The following SCFD1 variants were observed in gnomAD, a reference collection of about 807,000 sequenced individuals.
SCFD1 encodes the protein sec1 family domain containing 1.
Under a neutral mutation model 103.2 loss-of-function variants are expected in SCFD1, and 37 were observed. The ratio of observed to expected loss-of-function variants is 0.36; its 90% CI spans 0.28 to 0.47. SCFD1 has a LOEUF of 0.47. Ranked by LOEUF, SCFD1 falls within the 20% of genes least tolerant of loss-of-function variation. SCFD1 has a pLI of 1.00. For missense variants in SCFD1, 639 were observed against 761.2 expected (o/e 0.84, Z 1.89); for synonymous variants, 264 against 245.0 (o/e 1.08, Z -0.73).
intron 11 of SCFD1, 23 bp downstream of exon 11, chr14:30,670,418 A>T (rs1888426321): frequency 1.4e-6 from 2 of 1,481,222 alleles, no homozygotes; most frequent in African/African-American, 2.9e-5. Context: ...TCAATAAGTA[A>T]AAGATTCATT....
chr14:30,627,947 G>T (rs1854655362), intron 1 of SCFD1, among the ~76,000 whole-genome samples: 2 of 151,502 alleles, frequency 1.3e-5, no homozygotes, highest in South Asian at 4.2e-4. Context: ...GCCATTGCAA[G>T]TTCTTCCTGA....
intron 16 of SCFD1, among the ~76,000 whole-genome samples, chr14:30,700,505 C>T (rs1891007806): frequency 6.6e-6 from 1 of 152,118 alleles, no homozygotes; most frequent in Admixed American, 6.5e-5. Flanking sequence ...AAAACCCCGT[C>T]TCTACTAAAA....
chr14:30,703,000 T>G (rs1472930517), intron 17 of SCFD1, among the ~76,000 whole-genome samples: 1 of 151,874 alleles, frequency 6.6e-6, no homozygotes, highest in Non-Finnish European at 1.5e-5. Context: ...GTCAAGTCAT[T>G]AAAAATCAGA....
intron 23 of SCFD1, chr14:30,722,877 A>G (rs1022522642): frequency 3.9e-5 from 7 of 178,854 alleles, no homozygotes; most frequent in Non-Finnish European, 5.8e-5. Context: ...AATGATTTAC[A>G]AAACTCATTT....
chr14:30,679,691 T>C (rs960000415), intron 14 of SCFD1, among the ~76,000 whole-genome samples: 1 of 152,164 alleles, frequency 6.6e-6, no homozygotes, highest in Non-Finnish European at 1.5e-5. Context: ...GACTTTTTTT[T>C]TTTTTTTAAC....
At chr14:30,697,942 A>G (rs1369478975) in intron 15 of SCFD1, among the ~76,000 whole-genome samples, 1 of 152,210 alleles carries the variant, frequency 6.6e-6, no homozygotes, top group Admixed American at 6.5e-5. Context: ...TAAAACTTCA[A>G]CTAGGATCTG....
chr14:30,656,026 A>G (rs1192277968), intron 10 of SCFD1, among the ~76,000 whole-genome samples: 1 of 152,072 alleles, frequency 6.6e-6, no homozygotes, highest in Non-Finnish European at 1.5e-5. Context: ...TGGGAGGATC[A>G]GTTGATCCCC....
rs928116269 is a variant in SCFD1 at position 30,622,402 on chromosome 14, A to G, written c.61+3A>G. On this transcript the variant is annotated splice_donor_region_variant and intron_variant, in intron 1 of 24. Transcript: ENST00000458591. ...CAGTATTCGGGAAAGGCAGACAGGTACTGACTTATTCTCTTCTCCTTGAAG... is the reference window on the plus strand; with the variant it reads ...CAGTATTCGGGAAAGGCAGACAGGTGCTGACTTATTCTCTTCTCCTTGAAG... 3 of 1,552,162 alleles carry G rather than the reference A, an allele frequency of 1.9e-6. No individual in the cohort carries two copies. Among genetic ancestry groups the G allele is most frequent in the African/African-American group, 1.4e-5 (1 of 73,108 alleles).
intron 23 of SCFD1, among the ~76,000 whole-genome samples, chr14:30,731,152 G>T (rs986584384): frequency 3.3e-5 from 5 of 152,192 alleles, no homozygotes; most frequent in African/African-American, 1.2e-4. Context: ...TCAAAGATCA[G>T]ATGGTTGTAG....
chr14:30,658,721 G>A (rs1333215600), intron 10 of SCFD1, among the ~76,000 whole-genome samples: 1 of 152,144 alleles, frequency 6.6e-6, no homozygotes, highest in African/African-American at 2.4e-5. Flanking sequence ...CCTAGCTAAG[G>A]TTATAAGAGA....
At chr14:30,711,633 C>CA (rs1288242319) in intron 19 of SCFD1, among the ~76,000 whole-genome samples, 1 of 152,072 alleles carries the variant, frequency 6.6e-6, no homozygotes, top group Non-Finnish European at 1.5e-5. Context: ...AAAATATATA[C>CA]AACTTATTTG....
intron 10 of SCFD1, chr14:30,658,409 T>C (rs1309618897): frequency 6.5e-6 from 1 of 154,986 alleles, no homozygotes; most frequent in Non-Finnish European, 1.4e-5. Context: ...ATTTATTTTT[T>C]TGAGATGGAG....
At chr14:30,716,442 T>C (rs759719216) in intron 20 of SCFD1, among the ~76,000 whole-genome samples, 9 of 152,210 alleles carry the variant, frequency 5.9e-5, no homozygotes, top group Admixed American at 1.3e-4. Flanking sequence ...AATGAAATCA[T>C]TGGGTGAATA....
chr14:30,646,409 C>A (rs940528800), intron 7 of SCFD1, among the ~76,000 whole-genome samples: 3 of 151,874 alleles, frequency 2.0e-5, no homozygotes, highest in East Asian at 1.9e-4. Flanking sequence ...GTTTTTAGTT[C>A]TTTTTATGTA....
intron 14 of SCFD1, among the ~76,000 whole-genome samples, chr14:30,693,538 A>G (rs1399531398): frequency 6.6e-6 from 1 of 152,158 alleles, no homozygotes; most frequent in South Asian, 2.1e-4. Flanking sequence ...TACTGTTTAG[A>G]TGTTTCTACC....
chr14:30,698,348 C>T (rs1360231347), intron 15 of SCFD1, among the ~76,000 whole-genome samples: 3 of 152,204 alleles, frequency 2.0e-5, no homozygotes, highest in East Asian at 3.8e-4. Flanking sequence ...CATCAGTATG[C>T]TCCCCAGCCC....
intron 23 of SCFD1, among the ~76,000 whole-genome samples, chr14:30,730,526 C>T (rs8017446): frequency 0.039 from 5,890 of 152,182 alleles, 143 homozygotes; most frequent in South Asian, 0.067. Flanking sequence ...ACCTGTTGTT[C>T]CCTGACTTTT....
At chr14:30,713,757 G>A (rs558235449) in intron 19 of SCFD1, among the ~76,000 whole-genome samples, 1 of 152,202 alleles carries the variant, frequency 6.6e-6, no homozygotes, top group South Asian at 2.1e-4. Context: ...AGAATTCAGT[G>A]TAAATAGAGA....
rs190498621 is a variant in SCFD1, at chr14:30,669,806, G to A, written c.856-450G>A. 494 of 152,746 alleles carry A rather than the reference G, an allele frequency of 3.2e-3. 8 individuals are homozygous for A. The highest frequency in any genetic ancestry group is 2.9e-3 in the Non-Finnish European group (198 of 68,414). The allele number at this position is 152,746 out of a possible 1,614,324, so 9.5% of individuals were successfully genotyped here. A position where few individuals can be genotyped will look rare whatever the true frequency, so the allele number is the denominator to read the frequency against. On this transcript the variant is annotated intron_variant, in intron 10 of 24. Coordinates refer to ENST00000458591, the MANE Select transcript of SCFD1 (RefSeq NM_016106.4). Reference sequence around the variant, plus strand: ...TACTGGAAATGACCAAGCATCAGGAGGCCTGGTTGCATAAGTTGATTTAGC... The same window carrying A: ...TACTGGAAATGACCAAGCATCAGGAAGCCTGGTTGCATAAGTTGATTTAGC...
Sources: allele counts gnomAD v4.1 joint callset (sites outside exome capture counted in the v4.1 genomes callset), GRCh38; gene constraint gnomAD v4.1.1; transcripts MANE v1.5; gene names NCBI Gene and HGNC (gene_info 2026-07-23, HGNC 2026-07-21).